The following HTRA3 variants were observed in gnomAD, a reference collection of about 807,000 sequenced individuals.
The protein encoded by HTRA3 is serine protease HTRA3.
A neutral mutation model predicts 43.2 loss-of-function variants in HTRA3; 41 were observed. The observed-to-expected ratio is 0.95, with a 90% CI of 0.74 to 1.23. The LOEUF (loss-of-function observed/expected upper bound fraction) is 1.23, where lower values mean the gene tolerates loss of function less well. Among genes scored for constraint, HTRA3 ranks in the 50% most tolerant of loss-of-function variants. The pLI is 0.00. For synonymous variants in HTRA3, 295 were observed against 287.9 expected, an observed-to-expected ratio of 1.02 and a Z score of -0.25; for missense variants, 628 against 647.1, an observed-to-expected ratio of 0.97 and a Z score of 0.32.
intron 5 of HTRA3, among the ~76,000 whole-genome samples, chr4:8,293,212 T>G (rs1713312478): frequency 6.6e-6 from 1 of 152,184 alleles, no homozygotes; most frequent in South Asian, 2.1e-4. Context: ...TTGGCAGGGC[T>G]GAGGCCGTGC....
At chr4:8,277,869 C>T (rs1035976187) in intron 1 of HTRA3, among the ~76,000 whole-genome samples, 1 of 152,220 alleles carries the variant, frequency 6.6e-6, no homozygotes, top group African/African-American at 2.4e-5. Context: ...CACTGGGTGG[C>T]AGAGGGGTCT....
intron 2 of HTRA3, among the ~76,000 whole-genome samples, chr4:8,283,697 C>T (rs1712846565): frequency 6.6e-6 from 1 of 152,218 alleles, no homozygotes; most frequent in African/African-American, 2.4e-5. Context: ...ACGGCGGGTC[C>T]AGGCGGACAC....
rs1490636526 is a variant in HTRA3 at position 8,294,168 on chromosome 4, T to C, written c.1018T>C (p.Phe340Leu). The change falls in exon 6 of 9, where the codon TTC becomes CTC. Residue 340 changes from phenylalanine (F) to leucine (L), a missense_variant. By Grantham distance (22) the Phe-to-Leu change is conservative. Transcript: ENST00000307358. ...CATCCCCTCAGACCGCATCACACGG[T>C]TCCTCACAGAGTTCCAAGACAAGCA... ...FAIPSDRITR[F>L]LTEFQDKQIK... 1 of 1,612,366 alleles carries C rather than the reference T, an allele frequency of 6.2e-7. No individual in the cohort carries two copies. The highest frequency in any genetic ancestry group is 1.1e-5 in the South Asian group (1 of 90,902).
chr4:8,306,309 G>C lies in HTRA3; in HGVS notation c.*173G>C, dbSNP rs986744837. 1.6e-6 allele frequency: 1 copy of C among 629,186 alleles called. No individual in the cohort carries two copies. Among genetic ancestry groups the C allele is most frequent in the African/African-American group, 1.9e-5 (1 of 53,252 alleles). 39.0% of individuals were successfully genotyped at this position (629,186 alleles called of 1,614,324 possible). ...GGCCAGGGGCCCGAATTTCCGCCTG[G>C]GGAGTGTTGGATCCACATCCCGGTG... is the stretch of plus-strand genomic sequence containing the variant. On this transcript the variant is annotated 3_prime_UTR_variant, in exon 9 of 9. Transcript: ENST00000307358. The surrounding 1 kb of genome is among the most constrained non-coding windows in gnomAD (Gnocchi z 8.9).
intron 1 of HTRA3, among the ~76,000 whole-genome samples, chr4:8,278,989 C>A (rs1712636884): frequency 6.6e-6 from 1 of 152,184 alleles, no homozygotes. Context: ...TTCCTCCCCT[C>A]CTCTCTCCGC....
chr4:8,284,501 C>A (rs142567799), intron 2 of HTRA3, among the ~76,000 whole-genome samples: 3 of 152,208 alleles, frequency 2.0e-5, no homozygotes, highest in African/African-American at 7.2e-5. Context: ...ACAGGCCTCC[C>A]GGCTGTGACC....
At chr4:8,284,289 C>G (rs1712874777) in intron 2 of HTRA3, among the ~76,000 whole-genome samples, 1 of 152,216 alleles carries the variant, frequency 6.6e-6, no homozygotes, top group African/African-American at 2.4e-5. Flanking sequence ...ACTGGATGCA[C>G]TAAGTGGCAC....
At chr4:8,292,090 G>A (rs1289981533) in intron 4 of HTRA3, among the ~76,000 whole-genome samples, 5 of 152,168 alleles carry the variant, frequency 3.3e-5, no homozygotes, top group Admixed American at 6.5e-5. Flanking sequence ...TGTAGATGCC[G>A]AAGCGTATGG....
intron 6 of HTRA3, among the ~76,000 whole-genome samples, chr4:8,300,974 C>T (rs1411423710): frequency 1.3e-5 from 2 of 150,942 alleles, no homozygotes; most frequent in Non-Finnish European, 2.9e-5. Flanking sequence ...TATTGAGTCA[C>T]ACTCATCTTT....
chr4:8,304,284 G>A lies in HTRA3; in HGVS notation c.1196+5G>A. 1.2e-6 allele frequency: 2 copies of A among 1,612,746 alleles called. No individual in the cohort carries two copies. The highest frequency in any genetic ancestry group is 1.7e-6 in the Non-Finnish European group (2 of 1,178,756). ...GCCGAATTCACCTTCTCAGAGGTAG[G>A]CTCTGCCAGAGGAGATCGCTCGAGG... On this transcript the variant is annotated splice_donor_5th_base_variant and intron_variant, in intron 8 of 8. Transcript: ENST00000307358.
At position 8,296,358 on chromosome 4, in the gene HTRA3, T is replaced by G. The variant is rs1480594422; in HGVS notation, c.1051+2157T>G. 1.0e-6 allele frequency: 1 copy of G among 985,354 alleles called. No individual in the cohort carries two copies. The highest frequency in any genetic ancestry group is 1.2e-6 in the Non-Finnish European group (1 of 829,956). 61.0% of individuals were successfully genotyped at this position (985,354 alleles called of 1,614,324 possible). On this transcript the variant is annotated intron_variant, in intron 6 of 8. Coordinates refer to ENST00000307358, the MANE Select transcript of HTRA3 (RefSeq NM_053044.5). The surrounding 1 kb of genome is among the most constrained non-coding windows in gnomAD (Gnocchi z 5.3). ...CTCCCCAAGGACAGTGCAGACTAAC[T>G]GAGGAGCCTGATAAACCTTAGCTGC... is the stretch of plus-strand genomic sequence containing the variant.
chr4:8,276,804 G>A (rs1712542571), intron 1 of HTRA3, among the ~76,000 whole-genome samples: 1 of 152,160 alleles, frequency 6.6e-6, no homozygotes, highest in Non-Finnish European at 1.5e-5. Context: ...ATTTGCCAAG[G>A]GCCAGCACGG....
At position 8,297,211 on chromosome 4, in the gene HTRA3, G is replaced by A. The variant is rs1484691898; in HGVS notation, c.1051+3010G>A. Among the ~76,000 whole-genome samples, 1 of 152,010 alleles carries A rather than the reference G, an allele frequency of 6.6e-6. No individual in the cohort carries two copies. Among genetic ancestry groups the A allele is most frequent in the African/African-American group, 2.4e-5 (1 of 41,396 alleles). ...GCAGGAGCAGGGCCAGGAGCAGGAC[G>A]GGCAGGGAGGCTGGTGGCCCCATAC... On this transcript the variant is annotated intron_variant, in intron 6 of 8. Transcript: ENST00000307358. The surrounding 1 kb of genome is among the most constrained non-coding windows in gnomAD (Gnocchi z 5.8).
intron 3 of HTRA3, among the ~76,000 whole-genome samples, chr4:8,289,502 C>T (rs1346116446): frequency 6.6e-6 from 1 of 152,224 alleles, no homozygotes; most frequent in East Asian, 1.9e-4. Flanking sequence ...TCTGTCTCCC[C>T]TTCCGGCGGC....
At position 8,282,554 on chromosome 4, in the gene HTRA3, G is replaced by T. The variant is rs373167523; in HGVS notation, c.485+18G>T. On this transcript the variant is annotated intron_variant, in intron 2 of 8. Transcript: ENST00000307358. Reference sequence around the variant, plus strand: ...TTCCTGAGGTGGGTGAATACCCCTCGCCCCTCTCTGCCTCCTGGTGTCCCC... The same window carrying T: ...TTCCTGAGGTGGGTGAATACCCCTCTCCCCTCTCTGCCTCCTGGTGTCCCC... The T allele has an allele frequency of 2.1e-5, 32 of 1,557,186 alleles. No homozygotes were observed. Among genetic ancestry groups the T allele is most frequent in the Middle Eastern group, 1.7e-4 (1 of 5,946 alleles).
chr4:8,292,487 G>A (rs1560140427), intron 5 of HTRA3, 134 bp downstream of exon 5: 1 of 762,874 alleles, frequency 1.3e-6, no homozygotes, highest in Non-Finnish European at 2.1e-6. Flanking sequence ...AGTGCAGCTG[G>A]GCCGGAGGCC....
At chr4:8,292,693 G>C (rs1385768001) in intron 5 of HTRA3, among the ~76,000 whole-genome samples, 13 of 152,216 alleles carry the variant, frequency 8.5e-5, no homozygotes, top group Non-Finnish European at 1.5e-4. Context: ...GATGACAGGG[G>C]CACCCTCATT....
At chr4:8,280,474 A>G (rs1032351319) in intron 1 of HTRA3, among the ~76,000 whole-genome samples, 1 of 152,030 alleles carries the variant, frequency 6.6e-6, no homozygotes, top group Non-Finnish European at 1.5e-5. Context: ...TAGAAAATGA[A>G]CTCAAGTTCC....
In HTRA3 at chr4:8,302,601, G is replaced by C; in HGVS notation, c.1100+90G>C. 3.0e-6 allele frequency: 4 copies of C among 1,329,030 alleles called. No homozygotes were observed. The South Asian group carries it at 4.7e-5, about 16-fold the overall frequency. The allele number at this position is 1,329,030 out of a possible 1,614,324, so 82.3% of individuals were successfully genotyped here. ...TCCAGACCCTGGCTGGCTGTGTTCGGCTCCTTGCAGGTGCCCAGACGGGCC... is the reference window on the plus strand; with the variant it reads ...TCCAGACCCTGGCTGGCTGTGTTCGCCTCCTTGCAGGTGCCCAGACGGGCC... On this transcript the variant is annotated intron_variant, in intron 7 of 8. Coordinates refer to ENST00000307358, the MANE Select transcript of HTRA3 (RefSeq NM_053044.5).
Sources: gnomAD v4.1 joint callset for allele counts (sites outside exome capture counted in the v4.1 genomes callset) on GRCh38, gnomAD v4.1.1 for gene constraint, Gnocchi (gnomAD v3.1) non-coding constraint, MANE v1.5 for transcripts, NCBI Gene and HGNC (gene_info 2026-07-23, HGNC 2026-07-21) for gene names.